GYG2: variants seen among roughly 807,000 people sequenced by gnomAD.
GYG2 encodes the protein glycogenin-2.
GYG2 carries 29 observed loss-of-function variants against 29.4 expected under a neutral mutation model. The observed-to-expected ratio is 0.99, with a 90% CI of 0.74 to 1.35. The LOEUF is 1.35. Among genes scored for constraint, GYG2 ranks in the 40% most tolerant of loss-of-function variants. GYG2 has a pLI of 0.00. For missense variants in GYG2, 370 were observed against 385.7 expected (o/e 0.96, Z 0.34); for synonymous variants, 167 against 172.3 (o/e 0.97, Z 0.24).
intron 10 of GYG2, chrX:2,877,939 A>T: frequency 1.3e-6 from 1 of 749,657 alleles, no homozygotes; most frequent in Non-Finnish European, 1.6e-6. Flanking sequence ...GCATGTTTAG[A>T]GTGTGACCTA....
intron 9 of GYG2, among the ~76,000 whole-genome samples, chrX:2,876,234 G>A (rs1277878723): frequency 2.7e-5 from 3 of 109,845 alleles, no homozygotes; most frequent in East Asian, 5.7e-4. Context: ...AAGATACAGC[G>A]TCTATATAGC....
chrX:2,876,991 G>A (rs982797305), intron 9 of GYG2, among the ~76,000 whole-genome samples: 23 of 110,055 alleles, frequency 2.1e-4, no homozygotes, highest in Non-Finnish European at 1.9e-5. Context: ...CTATTTTGCC[G>A]AGGCTGGTCT....
At chrX:2,842,816 A>ATTT (rs397823825) in intron 2 of GYG2, among the ~76,000 whole-genome samples, 3 of 94,401 alleles carry the variant, frequency 3.2e-5, no homozygotes, top group Non-Finnish European at 6.3e-5. Flanking sequence ...GCAAGTCGTG[A>ATTT]TTTTTTTTTT....
At chrX:2,876,061 T>G (rs930246237) in intron 9 of GYG2, 147 bp downstream of exon 9, 2 of 320,372 alleles carry the variant, frequency 6.2e-6, no homozygotes, top group Admixed American at 6.1e-5. Context: ...TTTTTTTTTT[T>G]GAGTGGTTTC....
intron 6 of GYG2, among the ~76,000 whole-genome samples, chrX:2,859,506 G>A (rs984613514): frequency 1.8e-4 from 20 of 110,362 alleles, no homozygotes; most frequent in African/African-American, 6.3e-4. Flanking sequence ...TACATTGATA[G>A]TAATATATTG....
At chrX:2,869,620 T>C (rs2088406726) in intron 8 of GYG2, among the ~76,000 whole-genome samples, 1 of 112,432 alleles carries the variant, frequency 8.9e-6, no homozygotes, top group Non-Finnish European at 1.9e-5. Context: ...TATATAATGA[T>C]GGCAAGGTTG....
Position 2,877,073 on chromosome X carries a change from G to T in GYG2, c.1144-127G>T, listed in dbSNP as rs965625652. 6.5e-6 allele frequency: 6 copies of T among 920,030 alleles called. No homozygotes were observed. In the African/African-American group the frequency reaches 9.9e-5, roughly 15 times the overall value. The allele number at this position is 920,030 out of a possible 1,213,427, so 75.8% of individuals were successfully genotyped here. On this transcript the variant is annotated intron_variant, in intron 9 of 10. Transcript: ENST00000398806. ...GCTGGGATTACAGGCATGAGCCACC[G>T]CGCCTGGCCTCAACCCAATAATTTG...
At chrX:2,872,356 A>G (rs181660760) in intron 8 of GYG2, among the ~76,000 whole-genome samples, 1 of 110,955 alleles carries the variant, frequency 9.0e-6, no homozygotes, top group East Asian at 2.9e-4. Flanking sequence ...TCTGCATGAT[A>G]TGCAAGGGGG....
intron 3 of GYG2, among the ~76,000 whole-genome samples, chrX:2,846,036 C>CATATATATATATATATATATAT (rs199823755): frequency 6.4e-4 from 21 of 33,041 alleles, no homozygotes; most frequent in Non-Finnish European, 5.9e-4. Flanking sequence ...TATATATACA[C>CATATATATATATATATATATAT]ATATATATAT....
chrX:2,846,820 A>C (rs1469342690), intron 3 of GYG2, among the ~76,000 whole-genome samples: 1 of 110,465 alleles, frequency 9.1e-6, no homozygotes, highest in African/African-American at 3.3e-5. Flanking sequence ...AATTAGAAAG[A>C]AGTCATTTGG....
intron 3 of GYG2, among the ~76,000 whole-genome samples, chrX:2,852,417 C>T (rs1018003142): frequency 2.7e-5 from 3 of 111,697 alleles, no homozygotes; most frequent in African/African-American, 9.8e-5. Context: ...TTTTCTAGCA[C>T]TTGCTTAATT....
rs199823755 is a variant in GYG2 at position 2,846,036 on chromosome X, CAT to C, written c.149+2701_149+2702del. Among the ~76,000 whole-genome samples, 108 of 33,050 alleles carry C rather than the reference CAT, an allele frequency of 3.3e-3. 2 individuals are homozygous for C. The highest frequency in any genetic ancestry group is 9.4e-3 in the African/African-American group (85 of 9,083). The allele number at this position is 33,050 out of a possible 115,157, so 28.7% of individuals were successfully genotyped here. Reference sequence around the variant, plus strand: ...ATATACACACACACATATATATACACATATATATATATATATATATTTTTTTT... The same window carrying C: ...ATATACACACACACATATATATACACATATATATATATATATATTTTTTTT... On this transcript the variant is annotated intron_variant, in intron 3 of 10. Transcript: ENST00000398806.
chrX:2,880,667 G>A (rs1378814386), intron 10 of GYG2, among the ~76,000 whole-genome samples: 1 of 111,734 alleles, frequency 8.9e-6, no homozygotes, highest in Non-Finnish European at 1.9e-5. Context: ...CAGCTCACTG[G>A]GAGGCCAAGG....
At chrX:2,857,290 T>TTATC (rs1173176375) in intron 6 of GYG2, among the ~76,000 whole-genome samples, 17 of 34,082 alleles carry the variant, frequency 5.0e-4, no homozygotes, top group African/African-American at 4.8e-3. Context: ...TATAAACATC[T>TTATC]TATCTATCTA....
chrX:2,877,417 C>T, intron 10 of GYG2, 110 bp downstream of exon 10: 2 of 1,108,625 alleles, frequency 1.8e-6, no homozygotes, highest in Non-Finnish European at 2.4e-6. Flanking sequence ...CCTCATTTAA[C>T]AAAAAATAAG....
chrX:2,841,722 G>C (rs2087505972), intron 2 of GYG2, among the ~76,000 whole-genome samples: 1 of 111,780 alleles, frequency 8.9e-6, no homozygotes, highest in Non-Finnish European at 1.9e-5. Context: ...CGAATTGTGG[G>C]TTGGCTTTGC....
chrX:2,873,049 G>C (rs1349207618), intron 8 of GYG2, among the ~76,000 whole-genome samples: 2 of 112,129 alleles, frequency 1.8e-5, no homozygotes, highest in African/African-American at 6.5e-5. Flanking sequence ...GTTCTCGTAT[G>C]TTGGGCAGTA....
chrX:2,874,038 G>A (rs1395718824), intron 8 of GYG2, among the ~76,000 whole-genome samples: 1 of 111,666 alleles, frequency 9.0e-6, no homozygotes, highest in Non-Finnish European at 1.9e-5. Context: ...AGAAGGTTCA[G>A]TGAGCCAAGA....
In GYG2 at chrX:2,879,270, C is replaced by CTT. The variant is rs752455317; in HGVS notation, c.1252-1766_1252-1765dup. Among the ~76,000 whole-genome samples the CTT allele has an allele frequency of 2.5e-4, 23 of 93,431 alleles. No homozygotes were observed. In the South Asian group the frequency reaches 7.3e-3, roughly 30 times the overall value. 81.1% of individuals were successfully genotyped at this position (93,431 alleles called of 115,157 possible). On this transcript the variant is annotated intron_variant, in intron 10 of 10. Coordinates refer to ENST00000398806, the MANE Select transcript of GYG2 (RefSeq NM_001079855.2). Reference sequence around the variant, plus strand: ...TATCTATCTACCTCTTATCTATTTTCTTTTTTTTTTTTTTTTTGATGGAGT... The same window carrying CTT: ...TATCTATCTACCTCTTATCTATTTTCTTTTTTTTTTTTTTTTTTTGATGGAGT...
Sources: gnomAD v4.1 joint callset for allele counts (sites outside exome capture counted in the v4.1 genomes callset) on GRCh38, gnomAD v4.1.1 for gene constraint, MANE v1.5 for transcripts, NCBI Gene and HGNC (gene_info 2026-07-23, HGNC 2026-07-21) for gene names.